Variants in AFF2 observed in about 807,000 individuals in gnomAD.
AFF2 encodes the protein AF4/FMR2 family member 2.
A neutral mutation model predicts 76.9 loss-of-function variants in AFF2; 14 were observed. That is an observed-to-expected ratio of 0.18 (90% CI 0.12 to 0.28). The LOEUF (loss-of-function observed/expected upper bound fraction) is 0.28, where lower values mean the gene tolerates loss of function less well. Ranked by LOEUF, AFF2 falls within the 10% of genes least tolerant of loss-of-function variation. AFF2 has a pLI of 1.00. For missense variants in AFF2, 868 were observed against 1,001.1 expected (o/e 0.87, Z 1.79); for synonymous variants, 398 against 366.7 (o/e 1.09, Z -0.98).
rs1298548927 is a variant in AFF2 at position 148,998,568 on chromosome X, A to C, written c.*7236A>C. 8.9e-6 allele frequency: 1 copy of C among 111,769 alleles called. No individual in the cohort carries two copies. Among genetic ancestry groups the C allele is most frequent in the Non-Finnish European group, 1.9e-5 (1 of 53,081 alleles). The allele number at this position is 111,769 out of a possible 1,213,427, so 9.2% of individuals were successfully genotyped here. ...GCAGTGTTTTGACCTTTGATACATA[A>C]TTCTGGAGCAAGTGGAGTGGTTGCA... On this transcript the variant is annotated 3_prime_UTR_variant, in exon 21 of 21. Transcript: ENST00000370460.
At chrX:148,538,005 A>T (rs1161220312) in intron 1 of AFF2, among the ~76,000 whole-genome samples, 1 of 112,374 alleles carries the variant, frequency 8.9e-6, no homozygotes, top group Non-Finnish European at 1.9e-5. Flanking sequence ...AAGCAAGTTA[A>T]GAAATAGACT....
intron 3 of AFF2, among the ~76,000 whole-genome samples, chrX:148,717,687 C>G (rs782737603): frequency 9.0e-6 from 1 of 111,343 alleles, no homozygotes; most frequent in Non-Finnish European, 1.9e-5. Flanking sequence ...TACCAGGTAG[C>G]GGGGGCAGCC....
intron 1 of AFF2, among the ~76,000 whole-genome samples, chrX:148,561,899 G>A (rs183088540): frequency 1.8e-5 from 2 of 111,357 alleles, no homozygotes; most frequent in Admixed American, 9.5e-5. Flanking sequence ...CAGAACCAGA[G>A]TGGGGCAAGT....
At chrX:148,644,255 C>T (rs2054120279) in intron 1 of AFF2, among the ~76,000 whole-genome samples, 1 of 111,635 alleles carries the variant, frequency 9.0e-6, no homozygotes, top group South Asian at 3.8e-4. Flanking sequence ...GTGGATGTGC[C>T]TCTCTGTGAA....
At chrX:148,587,795 CAT>C (rs1473509261) in intron 1 of AFF2, among the ~76,000 whole-genome samples, 5 of 112,059 alleles carry the variant, frequency 4.5e-5, no homozygotes, top group African/African-American at 9.8e-5. Context: ...GACTTGAAGA[CAT>C]ATTAGTTTTT....
intron 1 of AFF2, among the ~76,000 whole-genome samples, chrX:148,604,253 A>C (rs989267063): frequency 1.8e-5 from 2 of 112,698 alleles, no homozygotes; most frequent in African/African-American, 6.4e-5. Context: ...ATTAGGTTTC[A>C]TTGAAAACAT....
intron 3 of AFF2, among the ~76,000 whole-genome samples, chrX:148,765,083 G>A (rs2069496775): frequency 9.0e-6 from 1 of 111,149 alleles, no homozygotes; most frequent in Admixed American, 9.6e-5. Context: ...TTTCGCTATA[G>A]AGTTGTTGCC....
chrX:148,915,022 GTTA>G (rs1353667891), intron 9 of AFF2, among the ~76,000 whole-genome samples: 2 of 112,337 alleles, frequency 1.8e-5, no homozygotes, highest in African/African-American at 3.2e-5. Flanking sequence ...GAGGTAGTAA[GTTA>G]TTATTCAGTT....
intron 1 of AFF2, among the ~76,000 whole-genome samples, chrX:148,501,458 C>T (rs1370883949): frequency 8.8e-6 from 1 of 113,119 alleles, no homozygotes; most frequent in Non-Finnish European, 1.9e-5. Context: ...AGGAGCTTTT[C>T]TCTCGGAGCG....
chrX:148,703,498 A>G (rs146764225), intron 3 of AFF2, among the ~76,000 whole-genome samples: 20 of 112,197 alleles, frequency 1.8e-4, no homozygotes, highest in African/African-American at 6.5e-4. Context: ...CCCAAGGTAC[A>G]TTAAACTTGG....
intron 12 of AFF2, among the ~76,000 whole-genome samples, chrX:148,962,238 A>G (rs1307905221): frequency 8.9e-6 from 1 of 112,786 alleles, no homozygotes; most frequent in Non-Finnish European, 1.9e-5. Flanking sequence ...ATGCGTAAGC[A>G]TAATATTTCT....
chrX:148,924,954 T>G (rs2071634445), intron 9 of AFF2, among the ~76,000 whole-genome samples: 1 of 112,615 alleles, frequency 8.9e-6, no homozygotes, highest in African/African-American at 3.2e-5. Flanking sequence ...ACAAGACACT[T>G]GCACAGACTT....
intron 3 of AFF2, among the ~76,000 whole-genome samples, chrX:148,709,596 G>A (rs957206911): frequency 3.6e-5 from 4 of 111,863 alleles, no homozygotes; most frequent in South Asian, 3.7e-4. Context: ...TAAATATTAC[G>A]GTGTAAAGTA....
intron 8 of AFF2, among the ~76,000 whole-genome samples, chrX:148,901,806 C>G (rs1603337565): frequency 8.9e-6 from 1 of 111,895 alleles, no homozygotes; most frequent in South Asian, 3.7e-4. Context: ...ACATTGCGAG[C>G]TTTTTCTCAT....
At chrX:148,618,550 T>C (rs1293320288) in intron 1 of AFF2, among the ~76,000 whole-genome samples, 3 of 111,027 alleles carry the variant, frequency 2.7e-5, no homozygotes, top group Non-Finnish European at 5.7e-5. Flanking sequence ...TAATTGAAGG[T>C]GAGATTTGGG....
chrX:148,716,853 A>G (rs1191655260), intron 3 of AFF2, among the ~76,000 whole-genome samples: 1 of 111,775 alleles, frequency 8.9e-6, no homozygotes, highest in Non-Finnish European at 1.9e-5. Context: ...CTGGGGATCC[A>G]TCAAGGAATA....
chrX:148,937,068 A>G (rs1051245581), intron 9 of AFF2, among the ~76,000 whole-genome samples: 2 of 112,021 alleles, frequency 1.8e-5, no homozygotes, highest in Admixed American at 1.9e-4. Flanking sequence ...CCTATGGGAT[A>G]GGAGAGGAGA....
chrX:148,735,313 G>A (rs1009365515), intron 3 of AFF2, among the ~76,000 whole-genome samples: 3 of 112,122 alleles, frequency 2.7e-5, no homozygotes, highest in Admixed American at 1.9e-4. Flanking sequence ...TCAATCCTAT[G>A]TTTAGCTTTT....
At chrX:148,596,339 C>T (rs781801863) in intron 1 of AFF2, among the ~76,000 whole-genome samples, 83 of 111,686 alleles carry the variant, frequency 7.4e-4, no homozygotes, top group African/African-American at 2.5e-3. Context: ...GGAACAAGAG[C>T]GCCGCCCGCC....
Sources: allele counts gnomAD v4.1 joint callset (sites outside exome capture counted in the v4.1 genomes callset), GRCh38; gene constraint gnomAD v4.1.1; transcripts MANE v1.5; gene names NCBI Gene and HGNC (gene_info 2026-07-23, HGNC 2026-07-21).